ABHD17C: variants seen among roughly 807,000 people sequenced by gnomAD.
ABHD17C encodes alpha/beta hydrolase domain-containing protein 17C.
A neutral mutation model predicts 27.9 loss-of-function variants in ABHD17C; 11 were observed. The ratio of observed to expected loss-of-function variants is 0.39; its 90% CI spans 0.25 to 0.65. The LOEUF (loss-of-function observed/expected upper bound fraction) is 0.65. Among genes scored for constraint, ABHD17C ranks in the 30% least tolerant of loss-of-function variants. The pLI is 0.45. For missense variants in ABHD17C, 280 were observed against 470.2 expected (o/e 0.60, Z 3.74); for synonymous variants, 233 against 209.1 (o/e 1.11, Z -0.98).
intron 1 of ABHD17C, among the ~76,000 whole-genome samples, chr15:80,723,846 G>T (rs1894933919): frequency 6.6e-6 from 1 of 152,170 alleles, no homozygotes; most frequent in Non-Finnish European, 1.5e-5. Flanking sequence ...GGTGAACGGG[G>T]TGCTTGCATT....
At chr15:80,697,683 G>A (rs1894513310) in intron 1 of ABHD17C, among the ~76,000 whole-genome samples, 1 of 151,590 alleles carries the variant, frequency 6.6e-6, no homozygotes, top group Non-Finnish European at 1.5e-5. Context: ...GGATAATGTT[G>A]AATTATCTGA....
chr15:80,731,528 G>C (rs1596069077), intron 1 of ABHD17C, among the ~76,000 whole-genome samples: 1 of 150,904 alleles, frequency 6.6e-6, no homozygotes, highest in Non-Finnish European at 1.5e-5. Flanking sequence ...TTGCCACCAG[G>C]CTTCCCTGAA....
At chr15:80,752,209 T>A (rs1279645454) in intron 2 of ABHD17C, among the ~76,000 whole-genome samples, 1 of 152,180 alleles carries the variant, frequency 6.6e-6, no homozygotes. Flanking sequence ...AATTGAACTC[T>A]CTTAAAGGAA....
At chr15:80,705,366 T>TGTGTGTGTGTGTGTGTGTGG (rs1300324609) in intron 1 of ABHD17C, among the ~76,000 whole-genome samples, 94 of 150,778 alleles carry the variant, frequency 6.2e-4, no homozygotes, top group Non-Finnish European at 1.1e-3. Flanking sequence ...TGTGTGTGTG[T>TGTGTGTGTGTGTGTGTGTGG]GGTTAGGAGC....
intron 1 of ABHD17C, among the ~76,000 whole-genome samples, chr15:80,725,891 C>T (rs1351666651): frequency 6.6e-6 from 1 of 152,006 alleles, no homozygotes; most frequent in African/African-American, 2.4e-5. Context: ...TGGGGAGACC[C>T]TAACCCAGCG....
At chr15:80,699,276 A>G (rs1206100731) in intron 1 of ABHD17C, among the ~76,000 whole-genome samples, 2 of 152,208 alleles carry the variant, frequency 1.3e-5, no homozygotes, top group Non-Finnish European at 2.9e-5. Context: ...ATAGGTAGTC[A>G]TTGGTATTTG....
intron 1 of ABHD17C, among the ~76,000 whole-genome samples, chr15:80,731,336 C>T (rs937386872): frequency 2.6e-5 from 4 of 152,206 alleles, no homozygotes; most frequent in African/African-American, 9.7e-5. Context: ...AAGTGATGTT[C>T]CTCAGGGAAT....
intron 1 of ABHD17C, among the ~76,000 whole-genome samples, chr15:80,715,134 C>T (rs187245504): frequency 6.6e-6 from 1 of 152,188 alleles, no homozygotes; most frequent in African/African-American, 2.4e-5. Flanking sequence ...GAGGTTCCCC[C>T]CCATGGAATT....
At chr15:80,735,861 A>G (rs1266099985) in intron 1 of ABHD17C, among the ~76,000 whole-genome samples, 1 of 134,060 alleles carries the variant, frequency 7.5e-6, no homozygotes, top group Non-Finnish European at 1.6e-5. Flanking sequence ...TTCCTTCATT[A>G]TTTCCCCCAA....
chr15:80,712,609 T>A (rs970748547), intron 1 of ABHD17C, among the ~76,000 whole-genome samples: 1 of 152,224 alleles, frequency 6.6e-6, no homozygotes, highest in Non-Finnish European at 1.5e-5. Flanking sequence ...TTTGTTCTTC[T>A]TGTGGTGTGT....
chr15:80,709,631 C>T (rs967498768), intron 1 of ABHD17C, among the ~76,000 whole-genome samples: 12 of 152,092 alleles, frequency 7.9e-5, no homozygotes, highest in African/African-American at 1.4e-4. Flanking sequence ...GCTTTCATCC[C>T]GTGTAGTGTG....
chr15:80,751,293 G>A (rs1489452503), intron 2 of ABHD17C, among the ~76,000 whole-genome samples: 1 of 152,132 alleles, frequency 6.6e-6, no homozygotes, highest in Non-Finnish European at 1.5e-5. Flanking sequence ...CCAGGAGGCG[G>A]AGGTTGCAGT....
At chr15:80,727,641 A>G (rs968661134) in intron 1 of ABHD17C, among the ~76,000 whole-genome samples, 1 of 152,008 alleles carries the variant, frequency 6.6e-6, no homozygotes, top group African/African-American at 2.4e-5. Context: ...CTGTGAACCA[A>G]TGCTTGTTAT....
At chr15:80,702,713 G>A (rs899628412) in intron 1 of ABHD17C, 2 of 152,288 alleles carry the variant, frequency 1.3e-5, no homozygotes, top group South Asian at 4.1e-4. Flanking sequence ...CTCTGTACTG[G>A]ATTTTGCTTA....
intron 1 of ABHD17C, among the ~76,000 whole-genome samples, chr15:80,731,059 CAT>C (rs1307574394): frequency 1.3e-5 from 2 of 151,998 alleles, no homozygotes; most frequent in South Asian, 2.1e-4. Context: ...TGGAAGAGTC[CAT>C]GTGGTAAGGC....
At chr15:80,707,834 C>T (rs1018779524) in intron 1 of ABHD17C, among the ~76,000 whole-genome samples, 2 of 152,090 alleles carry the variant, frequency 1.3e-5, no homozygotes, top group African/African-American at 4.8e-5. Context: ...TTTTTGAGCC[C>T]CAATACCATC....
At chr15:80,752,103 C>T (rs1895373103) in intron 2 of ABHD17C, among the ~76,000 whole-genome samples, 1 of 152,192 alleles carries the variant, frequency 6.6e-6, no homozygotes, top group East Asian at 1.9e-4. Context: ...TTTAAATACA[C>T]CCTCCAGGCA....
intron 1 of ABHD17C, among the ~76,000 whole-genome samples, chr15:80,733,029 A>G (rs1024458274): frequency 6.6e-6 from 1 of 152,164 alleles, no homozygotes; most frequent in African/African-American, 2.4e-5. Flanking sequence ...CTCACTGCCT[A>G]TTTAATTCTT....
chr15:80,699,514 GAGA>G (rs1460989731), intron 1 of ABHD17C, among the ~76,000 whole-genome samples: 1 of 152,088 alleles, frequency 6.6e-6, no homozygotes, highest in African/African-American at 2.4e-5. Context: ...CTGTATTGAA[GAGA>G]AGAACAATAC....
Sources: gnomAD v4.1 joint callset for allele counts (sites outside exome capture counted in the v4.1 genomes callset) on GRCh38, gnomAD v4.1.1 for gene constraint, MANE v1.5 for transcripts, NCBI Gene and HGNC (gene_info 2026-07-23, HGNC 2026-07-21) for gene names.